The following CEP83 variants were observed in gnomAD, a reference collection of about 807,000 sequenced individuals.
CEP83 encodes centrosomal protein of 83 kDa.
A neutral mutation model predicts 101.9 loss-of-function variants in CEP83; 70 were observed. That is an observed-to-expected ratio of 0.69 (90% CI 0.57 to 0.84). CEP83 has a LOEUF of 0.84. CEP83 is among the 40% of genes least tolerant of loss of function. The pLI is 0.00. For synonymous variants in CEP83, 264 were observed against 267.9 expected (o/e 0.99, Z 0.14); for missense variants, 715 against 787.2 (o/e 0.91, Z 1.10).
At chr12:94,271,573 G>C in the CEP83 span, among the ~76,000 whole-genome samples, 2 of 152,310 alleles carry the variant, frequency 1.3e-5, no homozygotes, top group East Asian at 3.9e-4. Context: ...TTGAATCTGG[G>C]CTCAGCCACT....
intron 1 of CEP83, among the ~76,000 whole-genome samples, chr12:94,445,384 T>TA (rs551884482): frequency 4.7e-5 from 7 of 150,456 alleles, no homozygotes; most frequent in African/African-American, 1.2e-4. Flanking sequence ...ATAAACCTCC[T>TA]AAAAAAAAAT....
At chr12:94,280,842 G>T in the CEP83 span, among the ~76,000 whole-genome samples, 2 of 152,158 alleles carry the variant, frequency 1.3e-5, no homozygotes, top group Non-Finnish European at 2.9e-5. Context: ...CCTGAGTTTG[G>T]GTGTCCCTTG....
intron 6 of CEP83, among the ~76,000 whole-genome samples, chr12:94,394,812 G>C (rs2062780550): frequency 6.6e-6 from 1 of 152,152 alleles, no homozygotes; most frequent in South Asian, 2.1e-4. Context: ...GTGGGCAAAG[G>C]ATATGAACAG....
the CEP83 span, among the ~76,000 whole-genome samples, chr12:94,294,775 G>A: frequency 6.6e-6 from 1 of 152,190 alleles, no homozygotes; most frequent in Non-Finnish European, 1.5e-5. Flanking sequence ...TGAGGAAGTG[G>A]CTGCCTCTTT....
At chr12:94,410,144 T>C (rs1480377809) in intron 4 of CEP83, among the ~76,000 whole-genome samples, 1 of 152,222 alleles carries the variant, frequency 6.6e-6, no homozygotes, top group Non-Finnish European at 1.5e-5. Context: ...TTTATTTCAA[T>C]TTTTCACGTC....
chr12:94,445,049 CAA>C (rs2138450860), intron 1 of CEP83, among the ~76,000 whole-genome samples: 1 of 151,418 alleles, frequency 6.6e-6, no homozygotes, highest in African/African-American at 2.4e-5. Flanking sequence ...TGAAAAAGAA[CAA>C]AGTTAGAAGA....
the CEP83 span, chr12:94,282,126 A>G: frequency 1.3e-4 from 69 of 526,648 alleles, 1 homozygote; most frequent in African/African-American, 1.4e-3. Flanking sequence ...CTAAACAAAC[A>G]AACAAAGTAA....
intron 2 of CEP83, among the ~76,000 whole-genome samples, chr12:94,433,551 T>C (rs994136713): frequency 1.3e-5 from 2 of 151,772 alleles, no homozygotes; most frequent in Admixed American, 6.6e-5. Flanking sequence ...TGTGGTAGCA[T>C]GTGCCTATGG....
At chr12:94,384,754 C>T (rs1013268037) in intron 6 of CEP83, among the ~76,000 whole-genome samples, 3 of 152,166 alleles carry the variant, frequency 2.0e-5, no homozygotes, top group Non-Finnish European at 4.4e-5. Context: ...TCTTTATTCT[C>T]TGTTTCTTTG....
At chr12:94,357,268 G>A (rs996687751) in intron 11 of CEP83, among the ~76,000 whole-genome samples, 4 of 152,134 alleles carry the variant, frequency 2.6e-5, no homozygotes, top group Non-Finnish European at 5.9e-5. Context: ...TGTTGGCACA[G>A]GCAATGGCAG....
chr12:94,366,635 A>G (rs1330603611), intron 11 of CEP83, among the ~76,000 whole-genome samples: 1 of 152,204 alleles, frequency 6.6e-6, no homozygotes, highest in African/African-American at 2.4e-5. Flanking sequence ...GAAAAAATAA[A>G]GAAATAGATG....
At chr12:94,305,477 C>T (rs1053257739), downstream of CEP83, 13 of 518,890 alleles carry the variant, frequency 2.5e-5, no homozygotes, top group Non-Finnish European at 3.8e-5. Context: ...GTGTGTATAC[C>T]GTGGGAACCC....
the CEP83 span, among the ~76,000 whole-genome samples, chr12:94,295,999 CCTT>C: frequency 1.2e-4 from 18 of 152,272 alleles, no homozygotes; most frequent in South Asian, 1.2e-3. Context: ...TGTAGGCTGA[CCTT>C]CTTCCATTCA....
At chr12:94,318,947 G>A (rs1327774196) in intron 14 of CEP83, among the ~76,000 whole-genome samples, 1 of 152,114 alleles carries the variant, frequency 6.6e-6, no homozygotes, top group Non-Finnish European at 1.5e-5. Context: ...AGGATTTCCT[G>A]CTCCTCTATT....
downstream of CEP83, chr12:94,305,497 T>C (rs1185507938): frequency 4.1e-6 from 2 of 482,112 alleles, no homozygotes; most frequent in South Asian, 3.4e-5. Flanking sequence ...CTTCTGTAAA[T>C]AGAGTTGAAG....
At chr12:94,338,439 CG>C (rs1407453953) in intron 11 of CEP83, among the ~76,000 whole-genome samples, 2 of 152,072 alleles carry the variant, frequency 1.3e-5, no homozygotes, top group African/African-American at 4.8e-5. Flanking sequence ...GAAGCACAAA[CG>C]GGGCTTACAA....
At chr12:94,455,896 A>G (rs1206260724) in intron 1 of CEP83, among the ~76,000 whole-genome samples, 1 of 152,096 alleles carries the variant, frequency 6.6e-6, no homozygotes, top group Non-Finnish European at 1.5e-5. Context: ...AAATACAAAA[A>G]AAAAGCCAGG....
At chr12:94,281,353 G>C in the CEP83 span, among the ~76,000 whole-genome samples, 2 of 152,134 alleles carry the variant, frequency 1.3e-5, no homozygotes, top group East Asian at 3.9e-4. Flanking sequence ...TCTTACAGCA[G>C]AGACTCAAAA....
At chr12:94,364,358 T>C (rs1306326680) in intron 11 of CEP83, among the ~76,000 whole-genome samples, 1 of 152,226 alleles carries the variant, frequency 6.6e-6, no homozygotes, top group Non-Finnish European at 1.5e-5. Flanking sequence ...TAGACATTAA[T>C]ATTCAAGTTG....
Sources: gnomAD v4.1 joint callset for allele counts (sites outside exome capture counted in the v4.1 genomes callset) on GRCh38, gnomAD v4.1.1 for gene constraint, MANE v1.5 for transcripts, NCBI Gene and HGNC (gene_info 2026-07-23, HGNC 2026-07-21) for gene names.